CLIP1: variants seen among roughly 807,000 people sequenced by gnomAD.
CLIP1 encodes CAP-Gly domain-containing linker protein 1.
A neutral mutation model predicts 161.6 loss-of-function variants in CLIP1; 66 were observed. The ratio of observed to expected loss-of-function variants is 0.41; its 90% confidence interval spans 0.33 to 0.50. The LOEUF (loss-of-function observed/expected upper bound fraction) is 0.50, where lower values mean the gene tolerates loss of function less well. CLIP1 is among the 20% of genes least tolerant of loss of function. The pLI is 0.27. For missense variants in CLIP1, 1,376 were observed against 1,702.0 expected (o/e 0.81, Z 3.37); for synonymous variants, 598 against 626.2 (o/e 0.96, Z 0.67).
In CLIP1 at chr12:122,279,261, A is replaced by G. The variant is rs1385534012; in HGVS notation, c.3648-116T>C. On this transcript the variant is annotated intron_variant, in intron 21 of 25. Transcript: ENST00000620786. The surrounding 1 kb of genome is among the most constrained non-coding windows in gnomAD (Gnocchi z 4.5). ...GTTAATGTAAAAAAAAAAATATAAC[A>G]GGGAAGTTTTATAGGGAGTTAAGGC... The G allele has an allele frequency of 1.4e-6, 1 of 697,350 alleles. No homozygotes were observed. Among genetic ancestry groups the G allele is most frequent in the African/African-American group, 1.8e-5 (1 of 54,216 alleles). 43.2% of individuals were successfully genotyped at this position (697,350 alleles called of 1,614,324 possible). A position where few individuals can be genotyped will look rare whatever the true frequency, so the allele number is the denominator to read the frequency against.
At chr12:122,309,651 T>C in intron 20 of CLIP1, 111 bp downstream of exon 20, 1 of 1,296,568 alleles carries the variant, frequency 7.7e-7, no homozygotes, top group South Asian at 1.4e-5. Context: ...GAATTCCATT[T>C]GGAATGACCC....
At position 122,279,083 on chromosome 12, in the gene CLIP1, A is replaced by G. The variant is rs1223032646; in HGVS notation, c.3710T>C (p.Ile1237Thr). The G allele has an allele frequency of 3.1e-6, 5 of 1,613,286 alleles. No individual in the cohort carries two copies. The highest frequency in any genetic ancestry group is 2.7e-5 in the African/African-American group (2 of 74,896). The change falls in exon 22 of 26, where the codon ATA becomes ACA. Residue 1237 changes from isoleucine (I) to threonine (T), a missense_variant. Transcript: ENST00000620786. This position sits in a 1 kb window ranked among gnomAD's most constrained non-coding sequence, Gnocchi z 4.5. ...EKASLQKSIS[I>T]TSALLTEKDA... ...CTTTTCTGTGAGTAAGGCACTAGTT[A>G]TACTGATGGATTTCTGCAAGGAAGC...
chr12:122,406,190 A>T (rs1956322725), intron 1 of CLIP1, among the ~76,000 whole-genome samples: 1 of 152,212 alleles, frequency 6.6e-6, no homozygotes, highest in African/African-American at 2.4e-5. Context: ...CACGCCCATA[A>T]TCCCAACACT....
rs115950753 is a variant in CLIP1, at chr12:122,384,867, T to C, written c.-106-4309A>G. ...CAGGCACAGGCACAAAGAAGATACCTAAATTCAACCATAATCAAAATTTGC... is the reference window on the plus strand; with the variant it reads ...CAGGCACAGGCACAAAGAAGATACCCAAATTCAACCATAATCAAAATTTGC... On this transcript the variant is annotated intron_variant, in intron 1 of 25. Coordinates refer to ENST00000620786, the MANE Select transcript of CLIP1 (RefSeq NM_001247997.2). Among the ~76,000 whole-genome samples, 543 of 150,108 alleles carry C rather than the reference T, an allele frequency of 3.6e-3. 4 individuals are homozygous for C. Among genetic ancestry groups the C allele is most frequent in the African/African-American group, 0.012 (504 of 41,018 alleles).
At chr12:122,310,249 C>T (rs1238892682) in intron 19 of CLIP1, among the ~76,000 whole-genome samples, 1 of 152,176 alleles carries the variant, frequency 6.6e-6, no homozygotes, top group Non-Finnish European at 1.5e-5. Context: ...CTAAAACCCA[C>T]TTCGTTGATA....
chr12:122,298,596 CA>C (rs58917162), intron 20 of CLIP1, among the ~76,000 whole-genome samples: 3,352 of 62,086 alleles, frequency 0.054, 66 homozygotes, highest in South Asian at 0.13. Context: ...CACTCTGTCT[CA>C]AAAAAAAAAA....
intron 19 of CLIP1, among the ~76,000 whole-genome samples, chr12:122,315,122 T>C (rs1265131419): frequency 6.6e-6 from 1 of 152,156 alleles, no homozygotes; most frequent in African/African-American, 2.4e-5. Flanking sequence ...GAACCACACA[T>C]GTGCTAGCTT....
At chr12:122,413,514 T>C (rs954674086) in intron 1 of CLIP1, among the ~76,000 whole-genome samples, 2 of 152,180 alleles carry the variant, frequency 1.3e-5, no homozygotes, top group African/African-American at 4.8e-5. Context: ...ATCCAAATCA[T>C]ACTTAGACAT....
At chr12:122,285,229 T>C (rs1473930025) in intron 21 of CLIP1, among the ~76,000 whole-genome samples, 2 of 43,850 alleles carry the variant, frequency 4.6e-5, no homozygotes, top group Admixed American at 1.7e-4. Flanking sequence ...ATACCAGTCC[T>C]TTTTTTTTTT....
rs1477465108 is a variant in CLIP1 at position 122,361,188 on chromosome 12, A to G, written c.783-7T>C. 1.9e-6 allele frequency: 3 copies of G among 1,575,226 alleles called. No homozygotes were observed. The highest frequency in any genetic ancestry group is 2.6e-6 in the Non-Finnish European group (3 of 1,152,196). The stretch of plus-strand genomic sequence containing the variant: ...GGGTTGACACTGAAAATACCTTTAG[A>G]GAACAATAAGAACAATAACAAAAAA... On this transcript the variant is annotated splice_polypyrimidine_tract_variant and splice_region_variant and intron_variant, in intron 4 of 25. Transcript: ENST00000620786.
chr12:122,313,073 C>T (rs1333956892), intron 19 of CLIP1, among the ~76,000 whole-genome samples: 1 of 152,186 alleles, frequency 6.6e-6, no homozygotes, highest in Non-Finnish European at 1.5e-5. Flanking sequence ...CTTTTTCAAC[C>T]TACTCCCCAT....
At chr12:122,328,856 C>T (rs1275636654) in intron 15 of CLIP1, among the ~76,000 whole-genome samples, 2 of 152,300 alleles carry the variant, frequency 1.3e-5, no homozygotes, top group Middle Eastern at 3.4e-3. Context: ...GTTAGGATTA[C>T]AGGCGTGAGC....
chr12:122,320,975 T>C (rs1951477009), intron 17 of CLIP1, among the ~76,000 whole-genome samples: 1 of 151,514 alleles, frequency 6.6e-6, no homozygotes, highest in Admixed American at 6.6e-5. Context: ...CCCAAAGTGC[T>C]GGGATTACAG....
At chr12:122,412,060 CTTT>C (rs71082989) in intron 1 of CLIP1, among the ~76,000 whole-genome samples, 10 of 81,576 alleles carry the variant, frequency 1.2e-4, no homozygotes, top group South Asian at 1.0e-3. Flanking sequence ...CAGTTATTTT[CTTT>C]TTTTTTTTTT....
At chr12:122,317,190 T>A (rs1951305756) in intron 18 of CLIP1, among the ~76,000 whole-genome samples, 1 of 152,098 alleles carries the variant, frequency 6.6e-6, no homozygotes, top group South Asian at 2.1e-4. Flanking sequence ...AAACAAGAAA[T>A]AAAATGCAAA....
intron 10 of CLIP1, chr12:122,342,411 T>C (rs1952547863): frequency 1.3e-5 from 2 of 152,206 alleles, no homozygotes; most frequent in Admixed American, 1.3e-4. Flanking sequence ...AACTGTGCCA[T>C]CCGGAACAGT....
intron 1 of CLIP1, among the ~76,000 whole-genome samples, chr12:122,382,736 G>A (rs2136863178): frequency 6.6e-6 from 1 of 151,392 alleles, no homozygotes; most frequent in African/African-American, 2.4e-5. Flanking sequence ...ATAAATAAGT[G>A]TGGTTTGGGA....
intron 1 of CLIP1, among the ~76,000 whole-genome samples, chr12:122,421,341 TCAAA>T (rs1272771459): frequency 1.3e-5 from 2 of 151,886 alleles, no homozygotes; most frequent in South Asian, 2.1e-4. Context: ...AATCTAAAAG[TCAAA>T]CAAACACATT....
Position 122,354,434 on chromosome 12 carries a change from G to A in CLIP1, c.1307+19C>T. 1 of 1,601,618 alleles carries A rather than the reference G, an allele frequency of 6.2e-7. No individual in the cohort carries two copies. Among genetic ancestry groups the A allele is most frequent in the African/African-American group, 1.3e-5 (1 of 74,750 alleles). ...AGGGGGAAAGGCCACACTTGCACCA[G>A]GAAACAGTCTGGGGTCACCTTTTCT... On this transcript the variant is annotated intron_variant, in intron 7 of 25. Coordinates refer to ENST00000620786, the MANE Select transcript of CLIP1 (RefSeq NM_001247997.2).
Sources: gnomAD v4.1 joint callset for allele counts (sites outside exome capture counted in the v4.1 genomes callset) on GRCh38, gnomAD v4.1.1 for gene constraint, Gnocchi (gnomAD v3.1) non-coding constraint, MANE v1.5 for transcripts, NCBI Gene and HGNC (gene_info 2026-07-23, HGNC 2026-07-21) for gene names.